Variants in POU2AF3 observed in about 807,000 individuals in gnomAD.
POU2AF3 encodes the protein POU class 2 homeobox associating factor 3.
chr11:111,308,318 G>A, the POU2AF3 span: 3 of 1,551,616 alleles, frequency 1.9e-6, no homozygotes, highest in African/African-American at 2.7e-5. Flanking sequence ...GGACTTGGAT[G>A]CTCTCCAGGC....
At chr11:111,299,779 G>C in the POU2AF3 span, 2 of 1,175,032 alleles carry the variant, frequency 1.7e-6, no homozygotes, top group Non-Finnish European at 2.1e-6. Context: ...GGAGGGAGGA[G>C]GGCAAGATGG....
the POU2AF3 span, chr11:111,308,465 C>A: frequency 6.6e-7 from 1 of 1,516,936 alleles, no homozygotes. Context: ...CAGAACATGG[C>A]ATGGGTATAT....
the POU2AF3 span, chr11:111,299,880 C>A: frequency 1.9e-6 from 1 of 514,074 alleles, no homozygotes; most frequent in Non-Finnish European, 3.0e-6. Context: ...CGGGCCTGGC[C>A]CCTTTACTAG....
chr11:111,301,219 A>C, the POU2AF3 span, among the ~76,000 whole-genome samples: 1 of 152,226 alleles, frequency 6.6e-6, no homozygotes, highest in Non-Finnish European at 1.5e-5. Flanking sequence ...GGTTATTACA[A>C]AATTGAACTG....
chr11:111,306,549 A>G, the POU2AF3 span: 1 of 1,551,676 alleles, frequency 6.4e-7, no homozygotes. Flanking sequence ...GCCTTTGCTC[A>G]ATTCCACACA....
the POU2AF3 span, chr11:111,298,826 G>GCGGGGGCGC: frequency 1.3e-5 from 10 of 790,960 alleles, no homozygotes; most frequent in African/African-American, 1.8e-5. Context: ...CGTACCCCAG[G>GCGGGGGCGC]CCCCCGCCCG....
chr11:111,298,826 G>GGGGGGGGCGC, the POU2AF3 span: 7 of 790,956 alleles, frequency 8.9e-6, no homozygotes, highest in Non-Finnish European at 1.2e-5. Flanking sequence ...CGTACCCCAG[G>GGGGGGGGCGC]CCCCCGCCCG....
the POU2AF3 span, chr11:111,308,258 T>A: frequency 6.4e-7 from 1 of 1,551,768 alleles, no homozygotes; most frequent in East Asian, 2.4e-5. Flanking sequence ...GTACAGCTGC[T>A]TCTCCTCGGC....
chr11:111,303,754 G>T, the POU2AF3 span, among the ~76,000 whole-genome samples: 1 of 152,202 alleles, frequency 6.6e-6, no homozygotes, highest in Non-Finnish European at 1.5e-5. Flanking sequence ...GTGGCTGCCT[G>T]CACAGCTCTC....
the POU2AF3 span, chr11:111,308,569 T>C: frequency 2.0e-6 from 2 of 999,514 alleles, no homozygotes; most frequent in East Asian, 2.7e-5. Flanking sequence ...TTTCCAATTT[T>C]CTGATGCTAA....
the POU2AF3 span, among the ~76,000 whole-genome samples, chr11:111,301,725 T>A: frequency 6.6e-6 from 1 of 152,212 alleles, no homozygotes; most frequent in Non-Finnish European, 1.5e-5. Context: ...TAGGATTTTG[T>A]GAGGGTTAAT....
At chr11:111,300,890 T>C in the POU2AF3 span, among the ~76,000 whole-genome samples, 5 of 152,370 alleles carry the variant, frequency 3.3e-5, no homozygotes, top group South Asian at 1.0e-3. Context: ...GTTGGTCCTC[T>C]GCAGGGGGAG....
At chr11:111,306,599 C>T in the POU2AF3 span, 4 of 1,551,692 alleles carry the variant, frequency 2.6e-6, no homozygotes, top group South Asian at 3.6e-5. Context: ...TCCAGGCCAC[C>T]CCTTTCTGCT....
At chr11:111,298,828 C>CGGGGGGG in the POU2AF3 span, 34 of 411,052 alleles carry the variant, frequency 8.3e-5, no homozygotes, top group South Asian at 1.3e-4. Flanking sequence ...TACCCCAGGC[C>CGGGGGGG]CCCGCCCGCC....
the POU2AF3 span, chr11:111,300,643 A>T: frequency 8.3e-7 from 1 of 1,200,590 alleles, no homozygotes; most frequent in Non-Finnish European, 1.0e-6. Context: ...CCCTTCCCTC[A>T]TTCCCCAGCC....
At chr11:111,298,845 C>A in the POU2AF3 span, 1 of 1,185,178 alleles carries the variant, frequency 8.4e-7, no homozygotes, top group Non-Finnish European at 1.0e-6. Flanking sequence ...CGCCCTCCCA[C>A]GTATCCACTG....
chr11:111,303,447 A>T, the POU2AF3 span, among the ~76,000 whole-genome samples: 1 of 152,152 alleles, frequency 6.6e-6, no homozygotes, highest in East Asian at 1.9e-4. Flanking sequence ...GTATTCTTGG[A>T]GCAAAGTAGA....
chr11:111,307,131 A>G, the POU2AF3 span, among the ~76,000 whole-genome samples: 1 of 151,896 alleles, frequency 6.6e-6, no homozygotes, highest in African/African-American at 2.4e-5. Flanking sequence ...TATAAGCACA[A>G]TAACTCATTT....
chr11:111,300,695 GGCCACTCAAGGCCCCAC>G, the POU2AF3 span: 1 of 716,058 alleles, frequency 1.4e-6, no homozygotes, highest in Non-Finnish European at 1.9e-6. Flanking sequence ...AAGGTGTGGA[GGCCACTCAAGGCCCCAC>G]GCACTCACCA....
Sources: allele counts gnomAD v4.1 joint callset (sites outside exome capture counted in the v4.1 genomes callset), GRCh38; gene constraint gnomAD v4.1.1; transcripts MANE v1.5; gene names NCBI Gene and HGNC (gene_info 2026-07-23, HGNC 2026-07-21).